TNS1: variants seen among roughly 807,000 people sequenced by gnomAD.
TNS1 encodes tensin-1.
In TNS1, 62 loss-of-function variants were observed where a neutral mutation model predicts 168.6. That is an observed-to-expected ratio of 0.37 (90% confidence interval 0.30 to 0.45). The LOEUF (loss-of-function observed/expected upper bound fraction) is 0.45. Ranked by LOEUF, TNS1 falls within the 20% of genes least tolerant of loss-of-function variation. The pLI is 1.00. For missense variants in TNS1, 2,240 were observed against 2,339.4 expected (o/e 0.96, Z 0.88); for synonymous variants, 934 against 933.2 (o/e 1.00, Z -0.02).
At chr2:217,903,641 T>A in intron 6 of TNS1, 2 of 1,526,474 alleles carry the variant, frequency 1.3e-6, no homozygotes, top group Non-Finnish European at 1.8e-6. Context: ...AAGGGCACCA[T>A]GAAAGGAAAT....
At chr2:217,998,504 G>C (rs576223700) in intron 1 of TNS1, among the ~76,000 whole-genome samples, 2 of 152,238 alleles carry the variant, frequency 1.3e-5, no homozygotes, top group East Asian at 3.9e-4. Flanking sequence ...AACTTTCCCA[G>C]GGCCTTTCCT....
At chr2:218,006,818 T>C (rs1958662229), upstream of TNS1, among the ~76,000 whole-genome samples, 1 of 152,026 alleles carries the variant, frequency 6.6e-6, no homozygotes, top group Non-Finnish European at 1.5e-5. Context: ...TTGAAAGTGT[T>C]GGCTTAAAAA....
chr2:217,847,432 C>A, intron 19 of TNS1, 78 bp downstream of exon 19: 1 of 1,315,428 alleles, frequency 7.6e-7, no homozygotes, highest in South Asian at 2.8e-5. Flanking sequence ...GCTTAGGGGT[C>A]ATGGCTGGAC....
upstream of TNS1, among the ~76,000 whole-genome samples, chr2:218,014,382 C>T (rs1179673437): frequency 2.6e-5 from 4 of 152,250 alleles, no homozygotes; most frequent in East Asian, 7.7e-4. Context: ...GGCTGTCCCT[C>T]GGGTACCAAC....
chr2:218,007,479 C>T (rs1436257788), upstream of TNS1, among the ~76,000 whole-genome samples: 1 of 146,372 alleles, frequency 6.8e-6, no homozygotes, highest in Non-Finnish European at 1.5e-5. Flanking sequence ...ACGGCCACCC[C>T]AGGACTAGGG....
rs1952833037 is a variant in TNS1 at position 217,900,445 on chromosome 2, C to T, written c.371+18G>A. Reference sequence around the variant, plus strand: ...CCTGCTTGCACTCCCGCCCCCTGCCCCCACGGGCCAGGCATACCTGATGGG... The same window carrying T: ...CCTGCTTGCACTCCCGCCCCCTGCCTCCACGGGCCAGGCATACCTGATGGG... On this transcript the variant is annotated intron_variant, in intron 7 of 32. Coordinates refer to ENST00000682258, the MANE Select transcript of TNS1 (RefSeq NM_001387777.1). 1.3e-6 allele frequency: 2 copies of T among 1,534,702 alleles called. No homozygotes were observed. The highest frequency in any genetic ancestry group is 2.0e-5 in the Admixed American group (1 of 50,938).
chr2:217,999,881 T>G (rs552971714), intron 1 of TNS1, among the ~76,000 whole-genome samples: 2 of 152,304 alleles, frequency 1.3e-5, no homozygotes, highest in South Asian at 4.1e-4. Flanking sequence ...AAAAGTCGAG[T>G]GACCAGCTTG....
At chr2:217,807,128 TA>T (rs1346412349) in intron 32 of TNS1, among the ~76,000 whole-genome samples, 1 of 152,252 alleles carries the variant, frequency 6.6e-6, no homozygotes, top group African/African-American at 2.4e-5. Flanking sequence ...AAAGCAACCT[TA>T]TATGAAGTCT....
At chr2:217,888,888 C>T (rs1951477723) in intron 12 of TNS1, among the ~76,000 whole-genome samples, 1 of 152,210 alleles carries the variant, frequency 6.6e-6, no homozygotes, top group Admixed American at 6.5e-5. Flanking sequence ...AATCCTATTC[C>T]TGAGAGGTGA....
intron 8 of TNS1, among the ~76,000 whole-genome samples, chr2:217,896,065 A>ATC (rs1432517129): frequency 1.2e-4 from 18 of 152,240 alleles, no homozygotes; most frequent in Admixed American, 1.2e-3. Flanking sequence ...TTTACATCTA[A>ATC]CAGCTGGCTT....
In TNS1 at chr2:217,821,690, G is replaced by T. The variant is rs757770314; in HGVS notation, c.3572+50C>A. The T allele has an allele frequency of 5.7e-6, 8 of 1,404,466 alleles. No homozygotes were observed. In the East Asian group the frequency reaches 2.2e-4, roughly 39 times the overall value. The allele number at this position is 1,404,466 out of a possible 1,614,324, so 87.0% of individuals were successfully genotyped here. A position where few individuals can be genotyped will look rare whatever the true frequency, so the allele number is the denominator to read the frequency against. The stretch of plus-strand genomic sequence containing the variant: ...AGGAGGCCTCACCCATCCCGTCCCA[G>T]TCCCAGGCCCGGATTCCCATCCCCC... On this transcript the variant is annotated intron_variant, in intron 23 of 32. Coordinates refer to ENST00000682258, the MANE Select transcript of TNS1 (RefSeq NM_001387777.1).
chr2:217,996,543 T>A (rs1478455900), intron 1 of TNS1, among the ~76,000 whole-genome samples: 2 of 152,110 alleles, frequency 1.3e-5, no homozygotes, highest in African/African-American at 4.8e-5. Flanking sequence ...CCTGACCATG[T>A]TGTTGGTCGC....
chr2:217,958,189 T>C (rs914643503), intron 3 of TNS1, among the ~76,000 whole-genome samples: 7 of 152,056 alleles, frequency 4.6e-5, no homozygotes, highest in African/African-American at 1.4e-4. Context: ...TTAGAATACA[T>C]AAAAGGTTTA....
chr2:217,834,110 C>T (rs1035194578), intron 21 of TNS1, among the ~76,000 whole-genome samples: 4 of 152,246 alleles, frequency 2.6e-5, no homozygotes, highest in Admixed American at 2.0e-4. Flanking sequence ...GGGAGAGCCA[C>T]GGCTTCCTGG....
At chr2:217,901,446 G>C (rs765619603) in intron 6 of TNS1, among the ~76,000 whole-genome samples, 12 of 152,146 alleles carry the variant, frequency 7.9e-5, no homozygotes, top group South Asian at 6.2e-4. Context: ...AATGAAAAGG[G>C]TAGTTACAAC....
At chr2:217,978,897 G>T (rs1957962322) in intron 2 of TNS1, 95 bp from the exon 3 acceptor site, 3 of 694,490 alleles carry the variant, frequency 4.3e-6, no homozygotes, top group Non-Finnish European at 7.9e-6. Flanking sequence ...CGCAATCCGC[G>T]CTCGGGAAGG....
chr2:217,880,143 G>A lies in TNS1; in HGVS notation c.1429+755C>T, dbSNP rs1950554345. 6.6e-6 allele frequency among the ~76,000 whole-genome samples: 1 copy of A among 152,166 alleles called. No homozygotes were observed. The highest frequency in any genetic ancestry group is 1.5e-5 in the Non-Finnish European group (1 of 68,032). Reference sequence around the variant, plus strand: ...CATCTCAAGAGTTCCTGGGCTCTGGGCATGCTCACTTTCGGAGCCCGCCCC... The same window carrying A: ...CATCTCAAGAGTTCCTGGGCTCTGGACATGCTCACTTTCGGAGCCCGCCCC... On this transcript the variant is annotated intron_variant, in intron 18 of 32. Transcript: ENST00000682258. The surrounding 1 kb of genome is among the most constrained non-coding windows in gnomAD (Gnocchi z 4.2).
intron 4 of TNS1, among the ~76,000 whole-genome samples, chr2:217,917,552 G>A (rs777879024): frequency 2.6e-5 from 4 of 152,074 alleles, no homozygotes; most frequent in Non-Finnish European, 5.9e-5. Flanking sequence ...AGGTTCGGCC[G>A]GGCGCGCAGT....
chr2:217,932,861 G>A (rs1956393212), intron 3 of TNS1, among the ~76,000 whole-genome samples: 2 of 152,174 alleles, frequency 1.3e-5, no homozygotes, highest in Admixed American at 1.3e-4. Flanking sequence ...GCCCCTAGAT[G>A]GCAGCGACAG....
Sources: gnomAD v4.1 joint callset for allele counts (sites outside exome capture counted in the v4.1 genomes callset) on GRCh38, gnomAD v4.1.1 for gene constraint, Gnocchi (gnomAD v3.1) non-coding constraint, MANE v1.5 for transcripts, NCBI Gene and HGNC (gene_info 2026-07-23, HGNC 2026-07-21) for gene names.